Variants in BARX2 observed in about 807,000 individuals in gnomAD.
BARX2 encodes BARX homeobox 2.
BARX2 carries 11 observed loss-of-function variants against 25.5 expected under a neutral mutation model. The observed-to-expected ratio is 0.43, with a 90% CI of 0.27 to 0.71. BARX2 has a LOEUF of 0.71. BARX2 is among the 30% of genes least tolerant of loss of function. The pLI is 0.19. For missense variants in BARX2, 360 were observed against 359.9 expected (o/e 1.00, Z 0.00); for synonymous variants, 137 against 149.5 (o/e 0.92, Z 0.61).
intron 1 of BARX2, among the ~76,000 whole-genome samples, chr11:129,423,353 G>C (rs1274498587): frequency 6.6e-6 from 1 of 152,100 alleles, no homozygotes; most frequent in East Asian, 1.9e-4. Context: ...CTGACCCCTT[G>C]ATCCACCCAC....
chr11:129,380,054 G>A (rs561868029), intron 1 of BARX2, among the ~76,000 whole-genome samples: 6 of 151,872 alleles, frequency 4.0e-5, no homozygotes, highest in African/African-American at 1.4e-4. Context: ...TCAAGCAGAA[G>A]GTATTTTTTG....
At position 129,375,951 on chromosome 11, in the gene BARX2, C is replaced by A. The variant is rs1861497525; in HGVS notation, c.-85C>A. 1.5e-5 allele frequency: 13 copies of A among 839,758 alleles called. No homozygotes were observed. Among genetic ancestry groups the A allele is most frequent in the African/African-American group, 1.9e-5 (1 of 53,958 alleles). 52.0% of individuals were successfully genotyped at this position (839,758 alleles called of 1,614,324 possible). Reference sequence around the variant, plus strand: ...CAGCTGCCGGGAGCGGGGCCCAGGCCCCGCCGTCGCGCCAGCCCCGCGGCC... The same window carrying A: ...CAGCTGCCGGGAGCGGGGCCCAGGCACCGCCGTCGCGCCAGCCCCGCGGCC... On this transcript the variant is annotated 5_prime_UTR_variant, in exon 1 of 4. Coordinates refer to ENST00000281437, the MANE Select transcript of BARX2 (RefSeq NM_003658.5). This position sits in a 1 kb window ranked among gnomAD's most constrained non-coding sequence, Gnocchi z 4.0.
At chr11:129,442,747 G>T in intron 2 of BARX2, 88 bp from the exon 3 acceptor site, 1 of 1,175,710 alleles carries the variant, frequency 8.5e-7, no homozygotes, top group Non-Finnish European at 1.3e-6. Flanking sequence ...GCCAGTGCTG[G>T]AGCCTGTCTG....
intron 3 of BARX2, among the ~76,000 whole-genome samples, chr11:129,445,127 C>G (rs921168668): frequency 2.6e-5 from 4 of 152,168 alleles, no homozygotes; most frequent in Admixed American, 1.3e-4. Flanking sequence ...ACATGGACAC[C>G]TTTTGGGGGA....
In BARX2 at chr11:129,446,775, A is replaced by G. The variant is rs78542324; in HGVS notation, c.573+3856A>G. Among the ~76,000 whole-genome samples the G allele has an allele frequency of 8.7e-3, 1,332 of 152,274 alleles. 11 individuals carry two copies. The highest frequency in any genetic ancestry group is 0.034 in the Middle Eastern group (10 of 294). On this transcript the variant is annotated intron_variant, in intron 3 of 3. Transcript: ENST00000281437. ...TGCCTGAGGTCCAGTGGAACATCACATCTTCAGGCTGAGAAAGTCAGCTAA... is the reference window on the plus strand; with the variant it reads ...TGCCTGAGGTCCAGTGGAACATCACGTCTTCAGGCTGAGAAAGTCAGCTAA...
At chr11:129,424,680 TG>T (rs1290866142) in intron 1 of BARX2, among the ~76,000 whole-genome samples, 1 of 152,232 alleles carries the variant, frequency 6.6e-6, no homozygotes, top group Non-Finnish European at 1.5e-5. Context: ...GATCAGGAAT[TG>T]CTTCTCTTCT....
At position 129,436,686 on chromosome 11, in the gene BARX2, G is replaced by A. The variant is rs762711114; in HGVS notation, c.188-65G>A. On this transcript the variant is annotated intron_variant, in intron 1 of 3. Transcript: ENST00000281437. The surrounding 1 kb of genome is among the most constrained non-coding windows in gnomAD (Gnocchi z 4.5). ...GACAGACCTCAGCCAGCGGCCCTCC[G>A]CAGGTCCTGGCCTGCTTCCCCACAC... The A allele has an allele frequency of 2.8e-5, 42 of 1,492,872 alleles. No homozygotes were observed. Among genetic ancestry groups the A allele is most frequent in the East Asian group, 6.9e-5 (3 of 43,416 alleles). 92.5% of individuals were successfully genotyped at this position (1,492,872 alleles called of 1,614,324 possible). A position where few individuals can be genotyped will look rare whatever the true frequency, so the allele number is the denominator to read the frequency against.
At chr11:129,412,661 C>T (rs569117424) in intron 1 of BARX2, among the ~76,000 whole-genome samples, 38 of 152,280 alleles carry the variant, frequency 2.5e-4, no homozygotes, top group African/African-American at 7.7e-4. Context: ...CTGGTCATTG[C>T]TGTGGAAAGG....
rs779577922 is a variant in BARX2, at chr11:129,436,878, G to T, written c.315G>T (p.Ala105=). The part of the protein sequence containing the change: ...QALSCHQVTE[A]VSAEAPGGEA... ...TGTCCTGCCACCAGGTCACCGAGGC[G>T]GTCTCTGCTGAGGCCCCAGGGGGCG... Residue 105 remains alanine, a synonymous_variant, in exon 2 of 4, where the codon GCG becomes GCT. Transcript: ENST00000281437. The surrounding 1 kb of genome is among the most constrained non-coding windows in gnomAD (Gnocchi z 4.5). 9 of 1,614,034 alleles carry T rather than the reference G, an allele frequency of 5.6e-6. No homozygotes were observed. Among genetic ancestry groups the T allele is most frequent in the Non-Finnish European group, 7.6e-6 (9 of 1,179,996 alleles).
intron 1 of BARX2, among the ~76,000 whole-genome samples, chr11:129,392,373 G>C (rs1030834565): frequency 6.6e-6 from 1 of 152,238 alleles, no homozygotes; most frequent in African/African-American, 2.4e-5. Flanking sequence ...ATGGAGAGGA[G>C]TGTGCACAAG....
At chr11:129,381,623 A>G (rs1202769031) in intron 1 of BARX2, among the ~76,000 whole-genome samples, 4 of 152,146 alleles carry the variant, frequency 2.6e-5, no homozygotes, top group Non-Finnish European at 5.9e-5. Flanking sequence ...TGCTGGTTGT[A>G]TTTCTGGATC....
At chr11:129,427,412 T>A (rs576369314) in intron 1 of BARX2, among the ~76,000 whole-genome samples, 1 of 152,284 alleles carries the variant, frequency 6.6e-6, no homozygotes, top group South Asian at 2.1e-4. Context: ...GAAACTCAGC[T>A]ATAGCTGCCC....
At position 129,394,189 on chromosome 11, in the gene BARX2, T is replaced by C. The variant is rs1327946735; in HGVS notation, c.187+17967T>C. On this transcript the variant is annotated intron_variant, in intron 1 of 3. Coordinates refer to ENST00000281437, the MANE Select transcript of BARX2 (RefSeq NM_003658.5). ...CTTGCTTTTTTCTCATAGCATTGCA[T>C]TTCCCAGATTCCTCTCTGCTGTTGT... Among the ~76,000 whole-genome samples, 3 of 152,238 alleles carry C rather than the reference T, an allele frequency of 2.0e-5. No homozygotes were observed. The East Asian group carries it at 5.8e-4, about 29-fold the overall frequency.
In BARX2 at chr11:129,452,237, G is replaced by GAT; in HGVS notation, c.*837_*838dup. 6.6e-6 allele frequency: 1 copy of GAT among 152,286 alleles called. No individual in the cohort carries two copies. Among genetic ancestry groups the GAT allele is most frequent in the Middle Eastern group, 3.4e-3 (1 of 294 alleles). The allele number at this position is 152,286 out of a possible 1,614,324, so 9.4% of individuals were successfully genotyped here. On this transcript the variant is annotated 3_prime_UTR_variant, in exon 4 of 4. Coordinates refer to ENST00000281437, the MANE Select transcript of BARX2 (RefSeq NM_003658.5). ...TGAAACTGCAATGCAGATATGTTCA[G>GAT]ATAACTTTTATTTTTTAATTAAAAA...
chr11:129,414,626 A>G (rs2135400118), intron 1 of BARX2, among the ~76,000 whole-genome samples: 1 of 152,328 alleles, frequency 6.6e-6, no homozygotes, highest in East Asian at 1.9e-4. Context: ...CCATGTCCTC[A>G]AATCCCATAT....
intron 1 of BARX2, among the ~76,000 whole-genome samples, chr11:129,417,428 T>A (rs2135401499): frequency 1.3e-5 from 2 of 152,226 alleles, no homozygotes; most frequent in South Asian, 4.2e-4. Context: ...CCTGAAAGGA[T>A]CAGGTGGCAG....
rs961509284 is a variant in BARX2, at chr11:129,416,933, G to T, written c.188-19818G>T. Among the ~76,000 whole-genome samples, 4 of 148,676 alleles carry T rather than the reference G, an allele frequency of 2.7e-5. No homozygotes were observed. In the East Asian group the frequency reaches 7.9e-4, roughly 29 times the overall value. On this transcript the variant is annotated intron_variant, in intron 1 of 3. Transcript: ENST00000281437. ...TTATTTATTTTTGAGACAGAGCCTC[G>T]CTGTGTCACCCAGGCTGGAGTACAG...
Position 129,412,546 on chromosome 11 carries a change from C to T in BARX2, c.188-24205C>T, listed in dbSNP as rs77842531. Among the ~76,000 whole-genome samples, 1,119 of 152,326 alleles carry T rather than the reference C, an allele frequency of 7.3e-3. 11 individuals are homozygous for T. The highest frequency in any genetic ancestry group is 0.034 in the Middle Eastern group (10 of 294). ...AGGCAGTGTGCCCAGAGCAGCAGCT[C>T]AAAGGCAGTCTGCACTCACATTGAT... On this transcript the variant is annotated intron_variant, in intron 1 of 3. Coordinates refer to ENST00000281437, the MANE Select transcript of BARX2 (RefSeq NM_003658.5).
intron 1 of BARX2, among the ~76,000 whole-genome samples, chr11:129,421,892 A>G (rs911753019): frequency 3.3e-5 from 5 of 151,782 alleles, no homozygotes; most frequent in South Asian, 2.1e-4. Context: ...GTATACTTTT[A>G]TACTGGCATA....
Sources: gnomAD v4.1 joint callset for allele counts (sites outside exome capture counted in the v4.1 genomes callset) on GRCh38, gnomAD v4.1.1 for gene constraint, Gnocchi (gnomAD v3.1) non-coding constraint, MANE v1.5 for transcripts, NCBI Gene and HGNC (gene_info 2026-07-23, HGNC 2026-07-21) for gene names.